Variants in CELA2B observed in about 807,000 individuals in gnomAD.
The protein encoded by CELA2B is chymotrypsin like elastase 2B.
Under a neutral mutation model 36.5 loss-of-function variants are expected in CELA2B, and 27 were observed. The observed-to-expected ratio is 0.74, with a 90% CI of 0.55 to 1.02. CELA2B has a LOEUF of 1.02. Among genes scored for constraint, CELA2B ranks in the 50% least tolerant of loss-of-function variants. The pLI is 0.00. For synonymous variants in CELA2B, 143 were observed against 148.5 expected, an observed-to-expected ratio of 0.96 and a Z score of 0.27; for missense variants, 340 against 347.8, an observed-to-expected ratio of 0.98 and a Z score of 0.18.
At chr1:15,484,901 A>ATTTT (rs1173212338) in intron 5 of CELA2B, among the ~76,000 whole-genome samples, 1 of 145,798 alleles carries the variant, frequency 6.9e-6, no homozygotes, top group Non-Finnish European at 1.5e-5. Flanking sequence ...AAAAAGCTTG[A>ATTTT]TTTTTTTTTT....
intron 7 of CELA2B, chr1:15,490,969 G>A (rs1403067190): frequency 3.2e-5 from 11 of 348,850 alleles, no homozygotes; most frequent in Admixed American, 1.2e-4. Flanking sequence ...CAGTTTTGAT[G>A]AGAAACAAAT....
At chr1:15,489,576 A>G (rs766105097) in intron 7 of CELA2B, among the ~76,000 whole-genome samples, 6 of 152,138 alleles carry the variant, frequency 3.9e-5, no homozygotes, top group Admixed American at 6.5e-5. Context: ...GGTGACTGAG[A>G]GCACCTGCCT....
At chr1:15,477,377 T>A (rs1414711820) in intron 2 of CELA2B, among the ~76,000 whole-genome samples, 1 of 152,164 alleles carries the variant, frequency 6.6e-6, no homozygotes, top group Non-Finnish European at 1.5e-5. Flanking sequence ...TCAAAAGAAA[T>A]GTGTAAAGTT....
intron 2 of CELA2B, among the ~76,000 whole-genome samples, 196 bp from the exon 3 acceptor site, chr1:15,480,902 T>A (rs1002242523): frequency 1.3e-5 from 2 of 151,966 alleles, no homozygotes; most frequent in Non-Finnish European, 2.9e-5. Context: ...GGCCTGATTT[T>A]TTTTTTTTTT....
chr1:15,477,723 G>T (rs1708689494), intron 2 of CELA2B, among the ~76,000 whole-genome samples: 1 of 152,074 alleles, frequency 6.6e-6, no homozygotes, highest in South Asian at 2.1e-4. Flanking sequence ...CAATTTTTTA[G>T]GAATCATGGT....
At chr1:15,491,263 C>A in intron 7 of CELA2B, 32 bp from the exon 8 acceptor site, 2 of 1,613,962 alleles carry the variant, frequency 1.2e-6, no homozygotes, top group Non-Finnish European at 8.5e-7. Flanking sequence ...GTTACGTGAA[C>A]CTGACAATTT....
chr1:15,488,204 T>C (rs763011090), intron 7 of CELA2B, among the ~76,000 whole-genome samples: 2 of 152,000 alleles, frequency 1.3e-5, no homozygotes, highest in East Asian at 3.9e-4. Context: ...CTGGGCAACA[T>C]AGCGAGACTC....
At chr1:15,485,330 C>T (rs1282839987) in intron 5 of CELA2B, among the ~76,000 whole-genome samples, 1 of 152,218 alleles carries the variant, frequency 6.6e-6, no homozygotes, top group African/African-American at 2.4e-5. Flanking sequence ...GCCCTCCCTT[C>T]ACCACACCCA....
At chr1:15,490,181 G>T (rs1395243363) in intron 7 of CELA2B, among the ~76,000 whole-genome samples, 1 of 152,020 alleles carries the variant, frequency 6.6e-6, no homozygotes. Context: ...GCCAATCATT[G>T]TTAAAAGCTT....
rs570233064 is a variant in CELA2B, at chr1:15,479,525, G to A, written c.130-1573G>A. 7.4e-4 allele frequency among the ~76,000 whole-genome samples: 113 copies of A among 152,290 alleles called. 1 individual carries two copies. Among genetic ancestry groups the A allele is most frequent in the African/African-American group, 2.4e-3 (98 of 41,558 alleles). On this transcript the variant is annotated intron_variant, in intron 2 of 7. Coordinates refer to ENST00000375910, the MANE Select transcript of CELA2B (RefSeq NM_015849.3). The stretch of plus-strand genomic sequence containing the variant: ...CGTGCCACTGCACTCCAGCCTGGGC[G>A]ACAGAGGGAGACTCCATCTCAAAAA...
chr1:15,490,429 A>C (rs1051553456), intron 7 of CELA2B, among the ~76,000 whole-genome samples: 1 of 152,212 alleles, frequency 6.6e-6, no homozygotes, highest in Non-Finnish European at 1.5e-5. Flanking sequence ...GAGTGTAATG[A>C]ATGCAGCTTT....
intron 7 of CELA2B, among the ~76,000 whole-genome samples, chr1:15,489,284 G>C (rs1708842425): frequency 6.6e-6 from 1 of 151,926 alleles, no homozygotes; most frequent in African/African-American, 2.4e-5. Context: ...AAGCACAACA[G>C]AACAGGCCAG....
intron 7 of CELA2B, among the ~76,000 whole-genome samples, chr1:15,489,222 G>T (rs1389661290): frequency 6.6e-6 from 1 of 151,118 alleles, no homozygotes; most frequent in African/African-American, 2.4e-5. Flanking sequence ...GTCCCGATCT[G>T]TTGTCCCAGC....
intron 5 of CELA2B, among the ~76,000 whole-genome samples, chr1:15,485,144 C>T (rs1248208597): frequency 5.3e-5 from 8 of 152,202 alleles, no homozygotes; most frequent in Non-Finnish European, 1.0e-4. Flanking sequence ...GATCCGCCTG[C>T]CTTGGCGTCC....
At chr1:15,486,412 G>A (rs1708804884) in intron 6 of CELA2B, among the ~76,000 whole-genome samples, 2 of 152,206 alleles carry the variant, frequency 1.3e-5, no homozygotes, top group Non-Finnish European at 2.9e-5. Context: ...CCAGAAGGCG[G>A]AGGTTGCAGT....
intron 7 of CELA2B, among the ~76,000 whole-genome samples, chr1:15,490,220 A>AATCTATC (rs1708861418): frequency 6.7e-6 from 1 of 148,512 alleles, no homozygotes; most frequent in Non-Finnish European, 1.5e-5. Flanking sequence ...CTTTATGTGC[A>AATCTATC]TATCTATCTA....
chr1:15,489,371 T>C (rs1171266336), intron 7 of CELA2B, among the ~76,000 whole-genome samples: 1 of 152,170 alleles, frequency 6.6e-6, no homozygotes, highest in Admixed American at 6.5e-5. Context: ...AGAGGCCCTG[T>C]GTTCATGGGA....
intron 7 of CELA2B, 125 bp from the exon 8 acceptor site, chr1:15,491,170 C>G: frequency 9.7e-7 from 1 of 1,036,152 alleles, no homozygotes; most frequent in East Asian, 2.4e-5. Context: ...GCAGGAGCTA[C>G]TGTAGTGTGG....
chr1:15,483,268 G>T lies in CELA2B; in HGVS notation c.361G>T (p.Asp121Tyr), dbSNP rs754897394. 1 of 1,613,718 alleles carries T rather than the reference G, an allele frequency of 6.2e-7. No homozygotes were observed. The change falls in exon 5 of 8, where the codon GAC (aspartate) becomes TAC (tyrosine). Residue 121 changes from aspartate (D) to tyrosine (Y), a missense_variant. Physicochemically the swap from Asp to Tyr is radical, Grantham distance 160. Transcript: ENST00000375910. ...TCCGCCTCCGCACTCACCCAGGAAC[G>T]ACATTGCCCTGCTCAAACTGGCTAA... Reference protein sequence around the residue: ...WNSDQVSKGNDIALLKLANPV... With the variant: ...WNSDQVSKGNYIALLKLANPV...
Sources: gnomAD v4.1 joint callset for allele counts (sites outside exome capture counted in the v4.1 genomes callset) on GRCh38, gnomAD v4.1.1 for gene constraint, MANE v1.5 for transcripts, NCBI Gene and HGNC (gene_info 2026-07-23, HGNC 2026-07-21) for gene names.